VIPR2: variants seen among roughly 807,000 people sequenced by gnomAD.
VIPR2 encodes vasoactive intestinal polypeptide receptor 2.
VIPR2 carries 48 observed loss-of-function variants against 58.0 expected under a neutral mutation model. The ratio of observed to expected loss-of-function variants is 0.83; its 90% CI spans 0.66 to 1.05. The LOEUF (loss-of-function observed/expected upper bound fraction) is 1.05, where lower values mean the gene tolerates loss of function less well. Among genes scored for constraint, VIPR2 ranks in the 50% least tolerant of loss-of-function variants. The probability of loss-of-function intolerance (pLI) is 0.00; values close to 1 mark genes in which losing one functional copy is unlikely to be tolerated. For missense variants in VIPR2, 534 were observed against 558.0 expected, an observed-to-expected ratio of 0.96 and a Z score of 0.43; for synonymous variants, 243 against 235.2, an observed-to-expected ratio of 1.03 and a Z score of -0.30.
chr7:159,053,473 A>G (rs1358995229), intron 5 of VIPR2, among the ~76,000 whole-genome samples: 1 of 152,230 alleles, frequency 6.6e-6, no homozygotes, highest in East Asian at 1.9e-4. Context: ...AATTAGAACG[A>G]TGTCCTGTCT....
rs3064495 is a variant in VIPR2 at position 159,039,302 on chromosome 7, TAC to T, written c.598-2402_598-2401del. On this transcript the variant is annotated intron_variant, in intron 6 of 12. Transcript: ENST00000262178. ...AGTGAAACCCCATCTCTACTAAAAA[TAC>T]ACACACACACACACACACACAAAAT... Among the ~76,000 whole-genome samples the T allele has an allele frequency of 1.8e-3, 264 of 148,650 alleles. 1 individual carries two copies. The highest frequency in any genetic ancestry group is 3.7e-3 in the African/African-American group (149 of 40,540).
chr7:159,049,471 C>T (rs772962380), intron 5 of VIPR2, among the ~76,000 whole-genome samples: 8 of 152,130 alleles, frequency 5.3e-5, no homozygotes, highest in Admixed American at 1.3e-4. Flanking sequence ...TTTAGCTCTC[C>T]GGGCACAGAG....
intron 4 of VIPR2, among the ~76,000 whole-genome samples, chr7:159,090,976 G>A (rs12673570): frequency 0.17 from 22,906 of 135,590 alleles, 3,922 homozygotes; most frequent in African/African-American, 0.39. Context: ...CACCTCCTGC[G>A]ACCATTGCAA....
intron 2 of VIPR2, chr7:159,117,271 G>A (rs1046605256): frequency 2.4e-5 from 17 of 716,796 alleles, no homozygotes; most frequent in African/African-American, 8.7e-5. Flanking sequence ...TACCACACAC[G>A]AGGCTTCCTG....
At chr7:159,077,347 C>T (rs893683900) in intron 4 of VIPR2, among the ~76,000 whole-genome samples, 3 of 147,612 alleles carry the variant, frequency 2.0e-5, no homozygotes, top group Non-Finnish European at 4.4e-5. Context: ...TATAGTGTAC[C>T]TGTTATCAGA....
chr7:159,088,058 C>T (rs1857283333), intron 4 of VIPR2, among the ~76,000 whole-genome samples: 1 of 152,218 alleles, frequency 6.6e-6, no homozygotes, highest in Non-Finnish European at 1.5e-5. Context: ...CCCACCCGAC[C>T]CCTGAAGGCA....
At chr7:159,035,729 A>G in intron 8 of VIPR2, 5 of 985,424 alleles carry the variant, frequency 5.1e-6, no homozygotes, top group Non-Finnish European at 6.0e-6. Flanking sequence ...ACTATGCTGC[A>G]AAACCTGGCT....
At chr7:159,077,543 C>T (rs1350897357) in intron 4 of VIPR2, among the ~76,000 whole-genome samples, 2 of 143,546 alleles carry the variant, frequency 1.4e-5, no homozygotes, top group African/African-American at 2.6e-5. Flanking sequence ...TGAGGTACTA[C>T]AGTGTGCCTG....
intron 5 of VIPR2, among the ~76,000 whole-genome samples, chr7:159,049,424 G>A (rs77819981): frequency 0.044 from 6,702 of 152,224 alleles, 193 homozygotes; most frequent in Non-Finnish European, 0.067. Flanking sequence ...TGTGGGGAGC[G>A]CCTGGGCCCT....
chr7:159,080,218 A>G (rs1034757288), intron 4 of VIPR2, among the ~76,000 whole-genome samples: 5 of 152,242 alleles, frequency 3.3e-5, no homozygotes, highest in Non-Finnish European at 2.9e-5. Flanking sequence ...AAAATCCTCA[A>G]TAAAATACTG....
chr7:159,085,816 G>A (rs958869314), intron 4 of VIPR2, among the ~76,000 whole-genome samples: 3 of 152,148 alleles, frequency 2.0e-5, no homozygotes, highest in Non-Finnish European at 4.4e-5. Flanking sequence ...GGACTATGGA[G>A]CCAGGGCAAA....
At position 159,127,911 on chromosome 7, in the gene VIPR2, GC is replaced by G. The variant is rs1796713872; in HGVS notation, c.151+14534del. 6.6e-6 allele frequency among the ~76,000 whole-genome samples: 1 copy of G among 152,182 alleles called. No individual in the cohort carries two copies. Among genetic ancestry groups the G allele is most frequent in the Non-Finnish European group, 1.5e-5 (1 of 68,024 alleles). ...GAGGGTGAACATTCAAGGCCTCAAG[GC>G]ACGGGGAGTCCTGCCGTGCTATTCC... On this transcript the variant is annotated intron_variant, in intron 2 of 12. Coordinates refer to ENST00000262178, the MANE Select transcript of VIPR2 (RefSeq NM_003382.5). The surrounding 1 kb of genome is among the most constrained non-coding windows in gnomAD (Gnocchi z 4.6).
At chr7:159,138,916 A>C (rs1797342450) in intron 2 of VIPR2, among the ~76,000 whole-genome samples, 1 of 152,252 alleles carries the variant, frequency 6.6e-6, no homozygotes, top group African/African-American at 2.4e-5. Context: ...CTTTTAAAAT[A>C]TCTCTCTAGA....
chr7:159,032,138 C>T lies in VIPR2; in HGVS notation c.972-71G>A, dbSNP rs1853633358. The T allele has an allele frequency of 2.5e-6, 4 of 1,589,502 alleles. No individual in the cohort carries two copies. The East Asian group carries it at 6.8e-5, about 27-fold the overall frequency. ...CCTCTGCAAGCCTGGCTGGGTCCTT[C>T]TCAGGAGGGGGCAGCTGGGTGTGGG... On this transcript the variant is annotated intron_variant, in intron 10 of 12. Transcript: ENST00000262178.
chr7:159,134,180 C>A (rs1226996205), intron 2 of VIPR2, among the ~76,000 whole-genome samples: 1 of 152,120 alleles, frequency 6.6e-6, no homozygotes, highest in Non-Finnish European at 1.5e-5. Flanking sequence ...ACTGGAGCTA[C>A]CTAGGTCTGC....
chr7:159,130,825 A>G (rs1209637008), intron 2 of VIPR2, among the ~76,000 whole-genome samples: 1 of 152,218 alleles, frequency 6.6e-6, no homozygotes. Flanking sequence ...AAAGAGTTAC[A>G]GGTAAGTTAC....
intron 2 of VIPR2, among the ~76,000 whole-genome samples, chr7:159,137,992 G>A (rs995809191): frequency 6.6e-6 from 1 of 152,186 alleles, no homozygotes; most frequent in South Asian, 2.1e-4. Context: ...AAAACTGCTC[G>A]GTTCAGACCT....
chr7:159,144,448 A>G, intron 1 of VIPR2: 2 of 1,544,654 alleles, frequency 1.3e-6, no homozygotes, highest in Non-Finnish European at 1.7e-6. Context: ...GGAAGAAACG[A>G]TCCCGTTTCC....
At position 159,046,060 on chromosome 7, in the gene VIPR2, T is replaced by G. The variant is rs1240281843; in HGVS notation, c.456-2884A>C. ...GGCAATAGTAATAATAATAATAAAT[T>G]AAGAAAACAAAATAAAAAGTATTGG... On this transcript the variant is annotated intron_variant, in intron 5 of 12. Coordinates refer to ENST00000262178, the MANE Select transcript of VIPR2 (RefSeq NM_003382.5). 3.9e-5 allele frequency among the ~76,000 whole-genome samples: 6 copies of G among 152,044 alleles called. No individual in the cohort carries two copies. In the South Asian group the frequency reaches 1.0e-3, roughly 26 times the overall value.
Sources: allele counts gnomAD v4.1 joint callset (sites outside exome capture counted in the v4.1 genomes callset), GRCh38; gene constraint gnomAD v4.1.1; non-coding constraint Gnocchi (gnomAD v3.1); transcripts MANE v1.5; gene names NCBI Gene and HGNC (gene_info 2026-07-23, HGNC 2026-07-21).